STIL: variants seen among roughly 807,000 people sequenced by gnomAD.
The protein encoded by STIL is STIL centriolar assembly protein.
A neutral mutation model predicts 110.1 loss-of-function variants in STIL; 55 were observed. That is an observed-to-expected ratio of 0.50 (90% CI 0.40 to 0.63). The LOEUF is 0.63. Among genes scored for constraint, STIL ranks in the 20% least tolerant of loss-of-function variants. The probability of loss-of-function intolerance (pLI) is 0.00; values close to 1 mark genes in which losing one functional copy is unlikely to be tolerated. For missense variants in STIL, 1,358 were observed against 1,530.0 expected, an observed-to-expected ratio of 0.89 and a Z score of 1.87; for synonymous variants, 481 against 530.0, an observed-to-expected ratio of 0.91 and a Z score of 1.27.
intron 3 of STIL, among the ~76,000 whole-genome samples, chr1:47,303,957 T>C (rs1645879522): frequency 6.6e-6 from 1 of 152,182 alleles, no homozygotes; most frequent in Admixed American, 6.6e-5. Flanking sequence ...ATGAAATACT[T>C]TCTATTCCAG....
In STIL at chr1:47,251,412, T is replaced by C. The variant is rs1331823377; in HGVS notation, c.3591A>G (p.Arg1197=). Residue 1197 remains arginine, a synonymous_variant, in exon 17 of 17, where the codon AGA becomes AGG. Coordinates refer to ENST00000371877, the MANE Select transcript of STIL (RefSeq NM_001048166.1). ...TCTGCAAAACTTCATTTGTAATATT[T>C]CTCAATACTGGCGTATCTGCGTTGG... The part of the protein sequence containing the change: ...VGTNADTPVL[R]NITNEVLQTK... 6.2e-7 allele frequency: 1 copy of C among 1,614,210 alleles called. No individual in the cohort carries two copies. The highest frequency in any genetic ancestry group is 8.5e-7 in the Non-Finnish European group (1 of 1,180,042).
chr1:47,270,249 TATATATAC>T (rs1369828488), intron 13 of STIL, among the ~76,000 whole-genome samples: 157 of 75,244 alleles, frequency 2.1e-3, no homozygotes, highest in African/African-American at 6.9e-3. Context: ...AAAATATATA[TATATATAC>T]ACACACACAC....
chr1:47,262,956 G>T lies in STIL; in HGVS notation c.2776C>A (p.Gln926Lys), dbSNP rs184086211. ...SEEPKIEHVM[Q>K]PLLHQPSDNQ... ...TCTGATGGTTGATGAAGCAAGGGTTGCATTACATGCTCAATTTTTGGTTCC... is the reference window on the plus strand; with the variant it reads ...TCTGATGGTTGATGAAGCAAGGGTTTCATTACATGCTCAATTTTTGGTTCC... The change falls in exon 15 of 17, where the codon CAA (glutamine) becomes AAA (lysine). Residue 926 changes from glutamine (Q) to lysine (K), a missense_variant. Physicochemically the swap from Gln to Lys is moderately conservative, Grantham distance 53. Transcript: ENST00000371877. 3.1e-6 allele frequency: 5 copies of T among 1,614,140 alleles called. No homozygotes were observed. In the African/African-American group the frequency reaches 6.7e-5, roughly 22 times the overall value.
chr1:47,313,654 T>C (rs1014114706), intron 1 of STIL, among the ~76,000 whole-genome samples: 1 of 152,190 alleles, frequency 6.6e-6, no homozygotes, highest in Admixed American at 6.6e-5. Flanking sequence ...TTCTCGCACT[T>C]TGCTGTTTAC....
chr1:47,272,443 A>G (rs1166503956), intron 12 of STIL, among the ~76,000 whole-genome samples: 1 of 118,858 alleles, frequency 8.4e-6, no homozygotes, highest in African/African-American at 2.6e-5. Flanking sequence ...CACTTTAAGT[A>G]TACTATTTTT....
chr1:47,258,473 G>A (rs1055730535), intron 16 of STIL, among the ~76,000 whole-genome samples: 2 of 152,000 alleles, frequency 1.3e-5, no homozygotes, highest in African/African-American at 4.8e-5. Flanking sequence ...TAGTACAAGG[G>A]TACAAAAGAA....
At chr1:47,293,370 C>A (rs777365892) in intron 8 of STIL, 88 bp downstream of exon 8, 1 of 1,033,912 alleles carries the variant, frequency 9.7e-7, no homozygotes, top group East Asian at 2.4e-5. Flanking sequence ...TAAAAGGTTA[C>A]GGCATTACAT....
At chr1:47,299,703 T>G (rs1037917208) in intron 6 of STIL, 27 of 572,090 alleles carry the variant, frequency 4.7e-5, no homozygotes, top group Non-Finnish European at 7.1e-5. Context: ...CTACCACCAA[T>G]TTTTTGTAGG....
chr1:47,269,533 C>A (rs1351009193), intron 14 of STIL, 102 bp downstream of exon 14: 2 of 786,270 alleles, frequency 2.5e-6, no homozygotes, highest in African/African-American at 3.5e-5. Context: ...TGTAAACATG[C>A]ATCTAAACAT....
intron 12 of STIL, among the ~76,000 whole-genome samples, chr1:47,276,872 G>C (rs1645010032): frequency 6.9e-6 from 1 of 144,868 alleles, no homozygotes; most frequent in African/African-American, 2.6e-5. Context: ...ATTTAAGTTT[G>C]CCTAATGTTG....
chr1:47,291,902 G>C (rs2149097126), intron 8 of STIL, among the ~76,000 whole-genome samples: 1 of 151,838 alleles, frequency 6.6e-6, no homozygotes. Flanking sequence ...GTATTGTTCA[G>C]GCTGGAGTAC....
At chr1:47,263,744 GTTTTT>G (rs60915271) in intron 14 of STIL, among the ~76,000 whole-genome samples, 14 of 98,308 alleles carry the variant, frequency 1.4e-4, no homozygotes, top group Admixed American at 2.4e-4. Context: ...TTCATTCCAA[GTTTTT>G]TTTTTTTTTT....
At chr1:47,271,389 T>C (rs1004083221) in intron 13 of STIL, among the ~76,000 whole-genome samples, 1 of 151,438 alleles carries the variant, frequency 6.6e-6, no homozygotes, top group Non-Finnish European at 1.5e-5. Flanking sequence ...CTGACCAACA[T>C]AGTGAAACCC....
At chr1:47,268,642 C>T (rs1027827303) in intron 14 of STIL, among the ~76,000 whole-genome samples, 5 of 151,932 alleles carry the variant, frequency 3.3e-5, no homozygotes, top group Non-Finnish European at 7.4e-5. Flanking sequence ...TCTGTAATCC[C>T]AGCTACTCAG....
intron 16 of STIL, among the ~76,000 whole-genome samples, chr1:47,257,241 T>C (rs926937904): frequency 6.6e-6 from 1 of 152,238 alleles, no homozygotes; most frequent in Admixed American, 6.5e-5. Flanking sequence ...AGGCCTCAGA[T>C]AGGCTGGGAG....
chr1:47,309,234 A>T (rs1646053246), intron 2 of STIL, among the ~76,000 whole-genome samples: 1 of 152,120 alleles, frequency 6.6e-6, no homozygotes, highest in South Asian at 2.1e-4. Context: ...AAAAATTTAA[A>T]TTTTTTTAAT....
At position 47,282,383 on chromosome 1, in the gene STIL, G is replaced by C. The variant is rs1645177876; in HGVS notation, c.1210C>G (p.Pro404Ala). ...DSGVEDEDFSPRPIPSPHPVS... is the reference protein window; with the variant it reads ...DSGVEDEDFSARPIPSPHPVS... ...GGATGAGGACTAGGAATTGGTCTTGGAGAAAAATCTTCATCTTCAACACCA... is the reference window on the plus strand; with the variant it reads ...GGATGAGGACTAGGAATTGGTCTTGCAGAAAAATCTTCATCTTCAACACCA... The change falls in exon 11 of 17, where the codon CCA becomes GCA. Residue 404 changes from proline (P) to alanine (A), a missense_variant. Physicochemically the swap from Pro to Ala is conservative, Grantham distance 27. Transcript: ENST00000371877. 6.2e-6 allele frequency: 10 copies of C among 1,612,940 alleles called. No individual in the cohort carries two copies. Among genetic ancestry groups the C allele is most frequent in the Non-Finnish European group, 8.5e-6 (10 of 1,179,674 alleles).
intron 14 of STIL, among the ~76,000 whole-genome samples, chr1:47,267,388 T>C (rs1207299670): frequency 6.6e-6 from 1 of 152,148 alleles, no homozygotes; most frequent in Non-Finnish European, 1.5e-5. Flanking sequence ...TTGCTGAGTT[T>C]GTTTCCAAAT....
At chr1:47,291,262 G>A (rs1645480317) in intron 8 of STIL, among the ~76,000 whole-genome samples, 1 of 152,260 alleles carries the variant, frequency 6.6e-6, no homozygotes, top group Middle Eastern at 3.4e-3. Context: ...TCAGGAGGCT[G>A]AGGCAGGAGA....
Sources: allele counts gnomAD v4.1 joint callset (sites outside exome capture counted in the v4.1 genomes callset), GRCh38; gene constraint gnomAD v4.1.1; transcripts MANE v1.5; gene names NCBI Gene and HGNC (gene_info 2026-07-23, HGNC 2026-07-21).